Variants in ZNF461 observed in about 807,000 individuals in gnomAD.
ZNF461 encodes the protein zinc finger protein 461, also known as gonadotropin-inducible ovarian transcription factor-1.
In ZNF461, 16 loss-of-function variants were observed where a neutral mutation model predicts 18.3. The ratio of observed to expected loss-of-function variants is 0.88; its 90% CI spans 0.59 to 1.33. The LOEUF is 1.33. Among genes scored for constraint, ZNF461 ranks in the 40% most tolerant of loss-of-function variants. ZNF461 has a pLI of 0.00. For missense variants in ZNF461, 595 were observed against 669.9 expected, an observed-to-expected ratio of 0.89 and a Z score of 1.23; for synonymous variants, 179 against 216.9, an observed-to-expected ratio of 0.83 and a Z score of 1.54.
At chr19:36,663,546 G>A (rs1315542071) in intron 2 of ZNF461, among the ~76,000 whole-genome samples, 3 of 137,920 alleles carry the variant, frequency 2.2e-5, no homozygotes, top group African/African-American at 8.1e-5. Context: ...TTTAGACAGA[G>A]TCTTGCCTTG....
In ZNF461 at chr19:36,639,475, T is replaced by C. The variant is rs1489311657; in HGVS notation, c.870A>G (p.Leu290=). 1 of 1,613,962 alleles carries C rather than the reference T, an allele frequency of 6.2e-7. No homozygotes were observed. Among genetic ancestry groups the C allele is most frequent in the Admixed American group, 1.7e-5 (1 of 59,984 alleles). ...TCTCACCAGTGTGAATTCTTTGATGTAGAGTAAGTTCTGAGCCATAATTAA... is the reference window on the plus strand; with the variant it reads ...TCTCACCAGTGTGAATTCTTTGATGCAGAGTAAGTTCTGAGCCATAATTAA... ...KAFNYGSELT[L]HQRIHTGEKP... Residue 290 remains leucine (L), a synonymous_variant, in exon 6 of 6, where the codon CTA becomes CTG. Transcript: ENST00000588268.
At chr19:36,658,584 A>C in intron 2 of ZNF461, 159 bp from the exon 3 acceptor site, 1 of 652,576 alleles carries the variant, frequency 1.5e-6, no homozygotes, top group Non-Finnish European at 2.5e-6. Flanking sequence ...AGTGTGACTG[A>C]AGCGGAGTGC....
At chr19:36,644,954 C>T (rs929484157) in intron 4 of ZNF461, among the ~76,000 whole-genome samples, 1 of 151,926 alleles carries the variant, frequency 6.6e-6, no homozygotes, top group East Asian at 2.0e-4. Context: ...AGTGGTGGCT[C>T]ACATCTGTAA....
At chr19:36,661,817 A>G (rs1199666839) in intron 2 of ZNF461, among the ~76,000 whole-genome samples, 1 of 152,164 alleles carries the variant, frequency 6.6e-6, no homozygotes, top group African/African-American at 2.4e-5. Flanking sequence ...CTGTTTTCCA[A>G]CACATATAAT....
chr19:36,651,300 C>A (rs1263823822), intron 4 of ZNF461, among the ~76,000 whole-genome samples: 1 of 150,764 alleles, frequency 6.6e-6, no homozygotes, highest in Non-Finnish European at 1.5e-5. Context: ...AGACTGAATG[C>A]TTTCCCTTCA....
At chr19:36,660,415 G>T (rs1349655617) in intron 2 of ZNF461, among the ~76,000 whole-genome samples, 1 of 151,856 alleles carries the variant, frequency 6.6e-6, no homozygotes, top group Non-Finnish European at 1.5e-5. Context: ...CTCCCAAAGT[G>T]CTGGGATTAC....
At chr19:36,666,408 T>C (rs534122609) in intron 1 of ZNF461, among the ~76,000 whole-genome samples, 1 of 152,172 alleles carries the variant, frequency 6.6e-6, no homozygotes, top group South Asian at 2.1e-4. Context: ...AATGTGCTTT[T>C]TCTTTCACGT....
chr19:36,649,153 C>A (rs1384868939), intron 4 of ZNF461, among the ~76,000 whole-genome samples: 1 of 152,084 alleles, frequency 6.6e-6, no homozygotes, highest in Non-Finnish European at 1.5e-5. Flanking sequence ...AACTGAAAAT[C>A]ACTTCTCATA....
intron 2 of ZNF461, among the ~76,000 whole-genome samples, chr19:36,661,083 C>T (rs574994945): frequency 1.6e-4 from 25 of 152,150 alleles, no homozygotes; most frequent in Admixed American, 1.3e-4. Context: ...TGAGACCAGC[C>T]TGGGTAACAA....
chr19:36,654,320 G>A (rs2037679336), intron 4 of ZNF461, among the ~76,000 whole-genome samples: 1 of 151,964 alleles, frequency 6.6e-6, no homozygotes, highest in Non-Finnish European at 1.5e-5. Flanking sequence ...CCACAAACTG[G>A]GTGGCTTAAA....
chr19:36,660,446 G>C (rs950606819), intron 2 of ZNF461, among the ~76,000 whole-genome samples: 2 of 151,814 alleles, frequency 1.3e-5, no homozygotes, highest in Admixed American at 6.6e-5. Context: ...CACTGCACCT[G>C]GGCCCCTTCT....
chr19:36,651,448 G>A (rs892441707), intron 4 of ZNF461, among the ~76,000 whole-genome samples: 7 of 151,724 alleles, frequency 4.6e-5, no homozygotes, highest in African/African-American at 1.2e-4. Flanking sequence ...TCTATTTGTC[G>A]ATAATTTGTT....
intron 1 of ZNF461, among the ~76,000 whole-genome samples, chr19:36,665,911 A>G (rs2037914079): frequency 6.6e-6 from 1 of 151,768 alleles, no homozygotes; most frequent in Non-Finnish European, 1.5e-5. Context: ...AGTAGTCAGG[A>G]AAGGATGAGA....
chr19:36,660,824 TAGA>T (rs1279459286), intron 2 of ZNF461, among the ~76,000 whole-genome samples: 2 of 151,924 alleles, frequency 1.3e-5, no homozygotes, highest in African/African-American at 4.8e-5. Context: ...TCAGTCTATA[TAGA>T]AGAATAAAGA....
chr19:36,661,194 C>G (rs2037813092), intron 2 of ZNF461, among the ~76,000 whole-genome samples: 1 of 151,876 alleles, frequency 6.6e-6, no homozygotes, highest in Non-Finnish European at 1.5e-5. Flanking sequence ...AGGAGGATCA[C>G]TTGAGCCTAG....
chr19:36,645,569 A>G (rs1160546481), intron 4 of ZNF461, among the ~76,000 whole-genome samples: 1 of 152,162 alleles, frequency 6.6e-6, no homozygotes, highest in Non-Finnish European at 1.5e-5. Context: ...TGATGATTTG[A>G]TATACATTTA....
intron 4 of ZNF461, among the ~76,000 whole-genome samples, chr19:36,647,203 T>C (rs144556202): frequency 6.6e-6 from 1 of 152,334 alleles, no homozygotes; most frequent in African/African-American, 2.4e-5. Flanking sequence ...TGCTGCATCA[T>C]AGGATATAAA....
chr19:36,652,500 CAA>C (rs74174423), intron 4 of ZNF461, among the ~76,000 whole-genome samples: 2 of 92,036 alleles, frequency 2.2e-5, no homozygotes, highest in Non-Finnish European at 2.2e-5. Context: ...GACTCCGTCT[CAA>C]AAAAAAAAAA....
In ZNF461 at chr19:36,639,327, G is replaced by A. The variant is rs781728848; in HGVS notation, c.1018C>T (p.Arg340Cys). The change falls in exon 6 of 6, where the codon CGT (arginine) becomes TGT (cysteine). Residue 340 changes from arginine (R) to cysteine (C), a missense_variant. Transcript: ENST00000588268. Reference protein sequence around the residue: ...ECKQCGKAFIRGFQLTEHLRL... With the variant: ...ECKQCGKAFICGFQLTEHLRL... Reference sequence around the variant, plus strand: ...AGGTGTTCAGTAAGTTGAAAGCCACGAATAAAAGCCTTCCCACATTGCTTA... The same window carrying A: ...AGGTGTTCAGTAAGTTGAAAGCCACAAATAAAAGCCTTCCCACATTGCTTA... 5.6e-6 allele frequency: 9 copies of A among 1,613,106 alleles called. No individual in the cohort carries two copies. The highest frequency in any genetic ancestry group is 7.6e-6 in the Non-Finnish European group (9 of 1,179,844).
Sources: allele counts gnomAD v4.1 joint callset (sites outside exome capture counted in the v4.1 genomes callset), GRCh38; gene constraint gnomAD v4.1.1; transcripts MANE v1.5; gene names NCBI Gene and HGNC (gene_info 2026-07-23, HGNC 2026-07-21).